The following ASTN1 variants were observed in gnomAD, a reference collection of about 807,000 sequenced individuals.
ASTN1 encodes the protein astrotactin 1, also known as astrotactin-1.
Under a neutral mutation model 140.7 loss-of-function variants are expected in ASTN1, and 41 were observed. That is an observed-to-expected ratio of 0.29 (90% confidence interval 0.23 to 0.38). The LOEUF (loss-of-function observed/expected upper bound fraction) is 0.38, where lower values mean the gene tolerates loss of function less well. ASTN1 is among the 10% of genes least tolerant of loss of function. ASTN1 has a pLI of 1.00. For missense variants in ASTN1, 1,479 were observed against 1,678.8 expected (o/e 0.88, Z 2.08); for synonymous variants, 640 against 652.2 (o/e 0.98, Z 0.29).
At chr1:176,932,319 G>A (rs1448006911) in intron 16 of ASTN1, among the ~76,000 whole-genome samples, 1 of 152,148 alleles carries the variant, frequency 6.6e-6, no homozygotes, top group African/African-American at 2.4e-5. Flanking sequence ...GTTCCGTTCT[G>A]TATCAGCCCT....
chr1:177,132,260 T>C (rs1383547404), intron 1 of ASTN1, among the ~76,000 whole-genome samples: 1 of 152,132 alleles, frequency 6.6e-6, no homozygotes, highest in Admixed American at 6.5e-5. Flanking sequence ...TTCTCCTGAG[T>C]AGGACACAAG....
chr1:176,883,524 T>C (rs1016016647), intron 19 of ASTN1, among the ~76,000 whole-genome samples: 1 of 152,184 alleles, frequency 6.6e-6, no homozygotes. Flanking sequence ...TTTCTTGGCA[T>C]GGACAGAGAT....
chr1:176,955,844 T>C (rs1672377042), intron 11 of ASTN1, among the ~76,000 whole-genome samples: 1 of 152,206 alleles, frequency 6.6e-6, no homozygotes, highest in African/African-American at 2.4e-5. Flanking sequence ...CTCAAACCCA[T>C]ACTGCAGTGG....
In ASTN1 at chr1:177,035,692, A is replaced by G. The variant is rs188378439; in HGVS notation, c.472-2843T>C. On this transcript the variant is annotated intron_variant, in intron 2 of 22. Coordinates refer to ENST00000361833, the MANE Select transcript of ASTN1 (RefSeq NM_004319.3). ...CAACTTAGGGACCCATTGCATATCT[A>G]TCTCTAGGTTCAGCCCCTTCCTTTT... is the stretch of plus-strand genomic sequence containing the variant. Among the ~76,000 whole-genome samples the G allele has an allele frequency of 2.0e-5, 3 of 152,310 alleles. No individual in the cohort carries two copies. In the East Asian group the frequency reaches 5.8e-4, roughly 29 times the overall value.
intron 2 of ASTN1, among the ~76,000 whole-genome samples, chr1:177,043,417 G>T (rs375272527): frequency 6.6e-6 from 1 of 152,148 alleles, no homozygotes; most frequent in Non-Finnish European, 1.5e-5. Flanking sequence ...AAAGCCCACG[G>T]GCCATGTTTT....
chr1:177,074,236 C>T (rs931660907), intron 1 of ASTN1, among the ~76,000 whole-genome samples: 1 of 152,214 alleles, frequency 6.6e-6, no homozygotes, highest in Non-Finnish European at 1.5e-5. Flanking sequence ...TGCCCTCTAA[C>T]ACTGATCTTC....
chr1:176,863,679 A>G lies in ASTN1; in HGVS notation c.*605T>C, dbSNP rs1047407685. On this transcript the variant is annotated 3_prime_UTR_variant, in exon 23 of 23. Transcript: ENST00000361833. ...AGTGGCCCACTGGGGCCTATAATGAAAGCTGGTTTCACCTTTCGGGTATGG... is the reference window on the plus strand; with the variant it reads ...AGTGGCCCACTGGGGCCTATAATGAGAGCTGGTTTCACCTTTCGGGTATGG... The G allele has an allele frequency of 2.1e-5, 21 of 985,658 alleles. No individual in the cohort carries two copies. Among genetic ancestry groups the G allele is most frequent in the Admixed American group, 6.1e-5 (1 of 16,330 alleles). The allele number at this position is 985,658 out of a possible 1,614,324, so 61.1% of individuals were successfully genotyped here.
chr1:177,120,970 G>A (rs1301046724), intron 1 of ASTN1, among the ~76,000 whole-genome samples: 2 of 152,202 alleles, frequency 1.3e-5, no homozygotes, highest in Non-Finnish European at 2.9e-5. Context: ...AATGGAAGAT[G>A]CTTAGAAGCA....
intron 8 of ASTN1, among the ~76,000 whole-genome samples, chr1:177,005,340 G>A (rs1221729519): frequency 6.6e-6 from 1 of 152,176 alleles, no homozygotes; most frequent in Admixed American, 6.6e-5. Flanking sequence ...TGTTGGCATG[G>A]ATGTGGTGAA....
chr1:176,958,836 C>G (rs1037680342), intron 9 of ASTN1, among the ~76,000 whole-genome samples: 2 of 152,166 alleles, frequency 1.3e-5, no homozygotes, highest in African/African-American at 4.8e-5. Flanking sequence ...ATGCCAACCT[C>G]CCACCGTCCC....
At chr1:177,114,446 T>C (rs1222471290) in intron 1 of ASTN1, among the ~76,000 whole-genome samples, 3 of 152,100 alleles carry the variant, frequency 2.0e-5, no homozygotes, top group African/African-American at 4.8e-5. Context: ...GTTTTTTAAT[T>C]AAATTGTTAC....
chr1:177,057,001 A>T (rs1437071289), intron 2 of ASTN1, among the ~76,000 whole-genome samples: 1 of 152,218 alleles, frequency 6.6e-6, no homozygotes, highest in Non-Finnish European at 1.5e-5. Context: ...GTGTACTTTC[A>T]TAGTTCTGAA....
At chr1:177,073,623 A>G (rs986971446) in intron 1 of ASTN1, among the ~76,000 whole-genome samples, 9 of 148,368 alleles carry the variant, frequency 6.1e-5, no homozygotes, top group South Asian at 4.4e-4. Context: ...AACCACACCT[A>G]CTTCCTACTG....
chr1:177,038,640 A>G (rs1676839167), intron 2 of ASTN1, among the ~76,000 whole-genome samples: 1 of 152,120 alleles, frequency 6.6e-6, no homozygotes, highest in African/African-American at 2.4e-5. Context: ...TGCTTGGGTG[A>G]CTCATTTATT....
intron 8 of ASTN1, among the ~76,000 whole-genome samples, chr1:176,977,460 G>A (rs1673413868): frequency 6.6e-6 from 1 of 152,190 alleles, no homozygotes; most frequent in African/African-American, 2.4e-5. Flanking sequence ...ACTCACCTCT[G>A]ATGAGACAGG....
At chr1:177,069,912 T>A (rs765597288) in intron 1 of ASTN1, among the ~76,000 whole-genome samples, 8 of 152,112 alleles carry the variant, frequency 5.3e-5, no homozygotes, top group African/African-American at 1.9e-4. Context: ...TTATCTGAGC[T>A]GCAAATACAC....
chr1:177,107,402 T>C (rs1306269833), intron 1 of ASTN1, among the ~76,000 whole-genome samples: 1 of 152,126 alleles, frequency 6.6e-6, no homozygotes, highest in Non-Finnish European at 1.5e-5. Flanking sequence ...GGCACCAAAG[T>C]GGACATGGCA....
At chr1:177,034,767 T>C (rs1047556208) in intron 2 of ASTN1, among the ~76,000 whole-genome samples, 2 of 152,156 alleles carry the variant, frequency 1.3e-5, no homozygotes, top group African/African-American at 2.4e-5. Context: ...ACTGCAACAA[T>C]AGGTAATTAA....
At chr1:176,902,237 T>C (rs1669798738) in intron 16 of ASTN1, among the ~76,000 whole-genome samples, 1 of 152,242 alleles carries the variant, frequency 6.6e-6, no homozygotes, top group African/African-American at 2.4e-5. Context: ...GTTGACGTTT[T>C]TCTTTTCTAA....
Sources: allele counts gnomAD v4.1 joint callset (sites outside exome capture counted in the v4.1 genomes callset), GRCh38; gene constraint gnomAD v4.1.1; transcripts MANE v1.5; gene names NCBI Gene and HGNC (gene_info 2026-07-23, HGNC 2026-07-21).